The following FMO3 variants were observed in gnomAD, a reference collection of about 807,000 sequenced individuals.
The protein encoded by FMO3 is flavin-containing monooxygenase 3.
In FMO3, 40 loss-of-function variants were observed where a neutral mutation model predicts 39.4. The observed-to-expected ratio is 1.02, with a 90% CI of 0.79 to 1.32. The LOEUF is 1.32. Ranked by LOEUF, FMO3 falls within the 40% of genes most tolerant of loss-of-function variation. FMO3 has a pLI of 0.00. For synonymous variants in FMO3, 219 were observed against 228.8 expected (o/e 0.96, Z 0.39); for missense variants, 680 against 651.8 (o/e 1.04, Z -0.47).
intron 3 of FMO3, among the ~76,000 whole-genome samples, chr1:171,106,287 T>C (rs926473154): frequency 2.6e-5 from 4 of 151,986 alleles, no homozygotes; most frequent in African/African-American, 9.7e-5. Context: ...ATTACAGGCA[T>C]GCACCACCAT....
In FMO3 at chr1:171,099,620, G is replaced by GA. The variant is rs372233760; in HGVS notation, c.133-4157dup. ...ATGAATTTGAAGCTTTAAAAGAAAA[G>GA]AAAAAAAATCATACAGCTGATAATG... On this transcript the variant is annotated intron_variant, in intron 2 of 8. Transcript: ENST00000367755. Among the ~76,000 whole-genome samples, 27 of 150,646 alleles carry GA rather than the reference G, an allele frequency of 1.8e-4. No homozygotes were observed. In the East Asian group the frequency reaches 5.0e-3, roughly 28 times the overall value.
chr1:171,101,374 T>G (rs150430022), intron 2 of FMO3, among the ~76,000 whole-genome samples: 1 of 152,164 alleles, frequency 6.6e-6, no homozygotes, highest in African/African-American at 2.4e-5. Context: ...ATTTTACTAC[T>G]GTGAGGGGGC....
chr1:171,098,375 T>C (rs939191380), intron 2 of FMO3, among the ~76,000 whole-genome samples: 1 of 152,194 alleles, frequency 6.6e-6, no homozygotes. Flanking sequence ...ATAAATTACC[T>C]TGGGCAGTAT....
intron 6 of FMO3, among the ~76,000 whole-genome samples, chr1:171,111,958 AG>A (rs1423861591): frequency 1.3e-5 from 2 of 152,220 alleles, no homozygotes; most frequent in African/African-American, 4.8e-5. Flanking sequence ...AAGTGCTGTC[AG>A]GACAATTTCC....
intron 2 of FMO3, among the ~76,000 whole-genome samples, chr1:171,096,640 TACATA>T (rs1157518061): frequency 0.19 from 15,662 of 81,652 alleles, 1,647 homozygotes; most frequent in Non-Finnish European, 0.25. Context: ...ATATATTAAA[TACATA>T]ATATATTTTA....
At chr1:171,092,348 T>TTCC (rs1654751932) in intron 1 of FMO3, among the ~76,000 whole-genome samples, 1 of 152,006 alleles carries the variant, frequency 6.6e-6, no homozygotes, top group African/African-American at 2.4e-5. Flanking sequence ...GCCTCCTGAG[T>TTCC]AGCTGGGAGT....
At chr1:171,107,998 C>G (rs897308845) in intron 4 of FMO3, 81 bp from the exon 5 acceptor site, 23 of 1,462,878 alleles carry the variant, frequency 1.6e-5, no homozygotes, top group Non-Finnish European at 2.0e-5. Context: ...GTGACTGCAT[C>G]TATTCACAAG....
At chr1:171,092,826 G>A in intron 2 of FMO3, 36 bp downstream of exon 2, 1 of 1,611,484 alleles carries the variant, frequency 6.2e-7, no homozygotes, top group Non-Finnish European at 8.5e-7. Flanking sequence ...CAGGAAAATA[G>A]GTTGGGAAGT....
chr1:171,107,563 G>A (rs1055372505), intron 3 of FMO3, 112 bp from the exon 4 acceptor site: 13 of 774,724 alleles, frequency 1.7e-5, no homozygotes, highest in East Asian at 2.7e-5. Flanking sequence ...TTTGTAATAT[G>A]TATCTTAATC....
intron 8 of FMO3, among the ~76,000 whole-genome samples, 194 bp downstream of exon 8, chr1:171,116,474 A>G (rs1656158279): frequency 6.6e-6 from 1 of 152,234 alleles, no homozygotes; most frequent in Non-Finnish European, 1.5e-5. Flanking sequence ...AGTTCTTTTT[A>G]GTACAAGGCA....
chr1:171,102,346 C>G (rs1372896291), intron 2 of FMO3, among the ~76,000 whole-genome samples: 1 of 152,200 alleles, frequency 6.6e-6, no homozygotes, highest in Non-Finnish European at 1.5e-5. Context: ...TCTGATCTTT[C>G]ATCATGAAAC....
intron 2 of FMO3, among the ~76,000 whole-genome samples, chr1:171,102,232 T>C (rs897191814): frequency 6.6e-6 from 1 of 152,208 alleles, no homozygotes; most frequent in African/African-American, 2.4e-5. Flanking sequence ...AAATTTCATG[T>C]TCTGGGAGCC....
At chr1:171,098,221 G>A (rs1655194388) in intron 2 of FMO3, among the ~76,000 whole-genome samples, 3 of 152,198 alleles carry the variant, frequency 2.0e-5, no homozygotes, top group African/African-American at 7.2e-5. Context: ...AAGTCAGGTA[G>A]TGTGATGCCT....
intron 3 of FMO3, 62 bp from the exon 4 acceptor site, chr1:171,107,613 T>G: frequency 7.1e-7 from 1 of 1,402,398 alleles, no homozygotes; most frequent in Non-Finnish European, 1.0e-6. Flanking sequence ...TTTTTCATAC[T>G]GTATCTGCCA....
rs144935285 is a variant in FMO3, at chr1:171,103,824, G to A, written c.172G>A (p.Val58Ile). ...EEGRASIYKSVFSNSSKEMMC... is the reference protein window; with the variant it reads ...EEGRASIYKSIFSNSSKEMMC... The stretch of plus-strand genomic sequence containing the variant: ...GGGCAGGGCTAGCATTTACAAATCA[G>A]TCTTTTCCAACTCTTCCAAAGAGAT... The change falls in exon 3 of 9, where the codon GTC (valine) becomes ATC (isoleucine). Residue 58 changes from valine (V) to isoleucine (I), a missense_variant. By Grantham distance (29) the Val-to-Ile change is conservative. Transcript: ENST00000367755. The A allele has an allele frequency of 1.4e-4, 221 of 1,613,894 alleles. No individual in the cohort carries two copies. The East Asian group carries it at 3.5e-3, about 26-fold the overall frequency.
At chr1:171,113,504 T>A (rs2101920709) in intron 6 of FMO3, among the ~76,000 whole-genome samples, 1 of 152,312 alleles carries the variant, frequency 6.6e-6, no homozygotes, top group East Asian at 1.9e-4. Context: ...ACAGTTAACA[T>A]TTTCGAGCTC....
At chr1:171,110,721 A>T (rs1286856946) in intron 5 of FMO3, 77 bp from the exon 6 acceptor site, 6 of 1,320,266 alleles carry the variant, frequency 4.5e-6, no homozygotes, top group Non-Finnish European at 6.6e-6. Context: ...CCATTCCTCA[A>T]GAGGGATCTG....
Position 171,107,664 on chromosome 1 carries a change from A to G in FMO3, c.322-11A>G. The G allele has an allele frequency of 1.2e-6, 2 of 1,611,206 alleles. No individual in the cohort carries two copies. Among genetic ancestry groups the G allele is most frequent in the Non-Finnish European group, 1.7e-6 (2 of 1,177,554 alleles). On this transcript the variant is annotated splice_polypyrimidine_tract_variant and intron_variant, in intron 3 of 8. Transcript: ENST00000367755. ...ATAGAAAAGAGGGATTTCTTTCTGTATTTCTCTTAGACATTTGTATCCAGT... is the reference window on the plus strand; with the variant it reads ...ATAGAAAAGAGGGATTTCTTTCTGTGTTTCTCTTAGACATTTGTATCCAGT...
At chr1:171,101,324 G>A in intron 2 of FMO3, 3 of 427,968 alleles carry the variant, frequency 7.0e-6, no homozygotes, top group Non-Finnish European at 1.4e-5. Context: ...TATTACAGCA[G>A]CCACAAGAAA....
Sources: allele counts gnomAD v4.1 joint callset (sites outside exome capture counted in the v4.1 genomes callset), GRCh38; gene constraint gnomAD v4.1.1; transcripts MANE v1.5; gene names NCBI Gene and HGNC (gene_info 2026-07-23, HGNC 2026-07-21).